Variants in ENOX1 observed in about 807,000 individuals in gnomAD.
ENOX1 encodes the protein ecto-NOX disulfide-thiol exchanger 1, also known as candidate growth-related and time keeping constitutive hydroquinone (NADH) oxidase.
Under a neutral mutation model 82.5 loss-of-function variants are expected in ENOX1, and 42 were observed. The ratio of observed to expected loss-of-function variants is 0.51; its 90% CI spans 0.40 to 0.66. ENOX1 has a LOEUF of 0.66. ENOX1 is among the 30% of genes least tolerant of loss of function. The pLI is 0.00. For synonymous variants in ENOX1, 271 were observed against 282.2 expected (o/e 0.96, Z 0.40); for missense variants, 608 against 811.6 (o/e 0.75, Z 3.05).
intron 2 of ENOX1, among the ~76,000 whole-genome samples, chr13:43,647,449 T>A (rs1349624434): frequency 6.6e-6 from 1 of 152,132 alleles, no homozygotes; most frequent in Non-Finnish European, 1.5e-5. Context: ...CAGGTGAACT[T>A]CCCCAGGGTC....
chr13:43,456,662 T>A (rs935940578), intron 3 of ENOX1, among the ~76,000 whole-genome samples: 6 of 152,152 alleles, frequency 3.9e-5, no homozygotes, highest in Non-Finnish European at 8.8e-5. Context: ...AGTTTCATCC[T>A]CTCTCCTGGG....
At chr13:43,338,647 G>A (rs1472299828) in intron 9 of ENOX1, among the ~76,000 whole-genome samples, 1 of 148,874 alleles carries the variant, frequency 6.7e-6, no homozygotes, top group Admixed American at 6.7e-5. Context: ...GAAGTGAATG[G>A]ATGCCATACT....
intron 3 of ENOX1, among the ~76,000 whole-genome samples, chr13:43,424,207 T>G (rs2055152188): frequency 6.6e-6 from 1 of 152,244 alleles, no homozygotes; most frequent in Admixed American, 6.5e-5. Context: ...CTGTAAACAT[T>G]ATTGTCTTCT....
At chr13:43,393,631 G>T (rs1481295341) in intron 5 of ENOX1, among the ~76,000 whole-genome samples, 1 of 152,114 alleles carries the variant, frequency 6.6e-6, no homozygotes, top group African/African-American at 2.4e-5. Flanking sequence ...AATAGATACA[G>T]CATAAAGAGA....
At chr13:43,493,191 A>G (rs1267217419) in intron 2 of ENOX1, among the ~76,000 whole-genome samples, 1 of 152,008 alleles carries the variant, frequency 6.6e-6, no homozygotes, top group African/African-American at 2.4e-5. Context: ...GTTTATCTGG[A>G]GAACCTTGAC....
rs371637498 is a variant in ENOX1, at chr13:43,249,194, AC to A, written c.1612-12457del. ...AAAAAAAATTCCTTTGTATCCAGTA[AC>A]CCCATTCATTATTTAAACTGTTGTA... On this transcript the variant is annotated intron_variant, in intron 14 of 16. Transcript: ENST00000690772. Among the ~76,000 whole-genome samples, 37 of 152,232 alleles carry A rather than the reference AC, an allele frequency of 2.4e-4. 1 individual carries two copies. In the South Asian group the frequency reaches 7.0e-3, roughly 29 times the overall value.
chr13:43,728,736 T>C (rs1010066753), intron 1 of ENOX1, among the ~76,000 whole-genome samples: 1 of 152,234 alleles, frequency 6.6e-6, no homozygotes, highest in Non-Finnish European at 1.5e-5. Context: ...TAAGTAGTAT[T>C]TCCCAAGACT....
chr13:43,485,948 T>C (rs1251338178), intron 2 of ENOX1, among the ~76,000 whole-genome samples: 6 of 152,010 alleles, frequency 3.9e-5, no homozygotes, highest in Admixed American at 2.6e-4. Flanking sequence ...CGGTGGCTCA[T>C]GCCTGTAATC....
At chr13:43,262,972 G>A (rs897797627) in intron 14 of ENOX1, among the ~76,000 whole-genome samples, 3 of 152,262 alleles carry the variant, frequency 2.0e-5, no homozygotes, top group Non-Finnish European at 2.9e-5. Flanking sequence ...TGAAGGCCTC[G>A]TCTCTTTTGA....
chr13:43,765,664 G>A (rs1231653455), intron 1 of ENOX1, among the ~76,000 whole-genome samples: 1 of 152,098 alleles, frequency 6.6e-6, no homozygotes, highest in Non-Finnish European at 1.5e-5. Flanking sequence ...GAAGCACTCA[G>A]TAAACACTTA....
At chr13:43,307,167 T>C (rs4942205) in intron 11 of ENOX1, among the ~76,000 whole-genome samples, 144,918 of 152,066 alleles carry the variant, frequency 0.95, 69,477 homozygotes, top group East Asian at 1. Flanking sequence ...AGCCTCCTCC[T>C]CCCCACTGTT....
intron 2 of ENOX1, among the ~76,000 whole-genome samples, chr13:43,548,656 C>T (rs1221923804): frequency 2.6e-5 from 4 of 152,140 alleles, no homozygotes; most frequent in Admixed American, 2.6e-4. Context: ...ACATGCCATC[C>T]CTGTGGTCTG....
At chr13:43,393,564 T>C (rs1181663522) in intron 5 of ENOX1, among the ~76,000 whole-genome samples, 2 of 151,522 alleles carry the variant, frequency 1.3e-5, no homozygotes, top group East Asian at 4.0e-4. Flanking sequence ...GATGGATGGA[T>C]GGATGGACTA....
intron 9 of ENOX1, among the ~76,000 whole-genome samples, chr13:43,341,295 C>CAA (rs11386044): frequency 3.7e-4 from 52 of 140,058 alleles, no homozygotes; most frequent in African/African-American, 8.6e-4. Flanking sequence ...GACTCCATCT[C>CAA]AAAAAAAAAA....
At chr13:43,362,206 G>A (rs1391046443) in intron 5 of ENOX1, among the ~76,000 whole-genome samples, 1 of 149,702 alleles carries the variant, frequency 6.7e-6, no homozygotes, top group South Asian at 2.1e-4. Flanking sequence ...AATAGAAAGT[G>A]TGCAAAACAA....
intron 2 of ENOX1, among the ~76,000 whole-genome samples, chr13:43,573,113 G>C (rs1028951580): frequency 3.3e-5 from 5 of 152,144 alleles, no homozygotes; most frequent in African/African-American, 9.7e-5. Context: ...TGTTCCAAAG[G>C]CTCCCTGCTT....
intron 5 of ENOX1, among the ~76,000 whole-genome samples, chr13:43,395,483 C>T (rs2053083799): frequency 6.6e-6 from 1 of 152,172 alleles, no homozygotes; most frequent in Non-Finnish European, 1.5e-5. Context: ...CGAGATTGCA[C>T]CACTGCACTC....
intron 2 of ENOX1, among the ~76,000 whole-genome samples, chr13:43,595,686 T>G (rs888712503): frequency 2.0e-5 from 3 of 152,202 alleles, no homozygotes; most frequent in Non-Finnish European, 2.9e-5. Flanking sequence ...ACAAGATTTA[T>G]CCTATAAAAT....
At chr13:43,775,338 C>A (rs1286173545) in intron 1 of ENOX1, among the ~76,000 whole-genome samples, 3 of 152,110 alleles carry the variant, frequency 2.0e-5, no homozygotes, top group Non-Finnish European at 2.9e-5. Flanking sequence ...GACAGGGTCT[C>A]ACTTTGTTGC....
Sources: allele counts gnomAD v4.1 joint callset (sites outside exome capture counted in the v4.1 genomes callset), GRCh38; gene constraint gnomAD v4.1.1; transcripts MANE v1.5; gene names NCBI Gene and HGNC (gene_info 2026-07-23, HGNC 2026-07-21).